IGF2BP1: variants seen among roughly 807,000 people sequenced by gnomAD.
IGF2BP1 encodes the protein insulin-like growth factor 2 mRNA-binding protein 1.
In IGF2BP1, 11 loss-of-function variants were observed where a neutral mutation model predicts 74.9. That is an observed-to-expected ratio of 0.15 (90% CI 0.09 to 0.24). IGF2BP1 has a LOEUF of 0.24. Ranked by LOEUF, IGF2BP1 falls within the 10% of genes least tolerant of loss-of-function variation. The pLI is 1.00. For synonymous variants in IGF2BP1, 287 were observed against 281.8 expected (o/e 1.02, Z -0.18); for missense variants, 440 against 757.4 (o/e 0.58, Z 4.92).
chr17:49,031,546 GGAGTGCAGTGGCAT>G (rs1367080042), intron 4 of IGF2BP1, among the ~76,000 whole-genome samples: 2 of 150,174 alleles, frequency 1.3e-5, no homozygotes, highest in African/African-American at 4.9e-5. Flanking sequence ...GCCCAGGTTC[GGAGTGCAGTGGCAT>G]GATCTGGGCT....
chr17:49,036,445 T>G (rs573808931), intron 5 of IGF2BP1: 1 of 151,178 alleles, frequency 6.6e-6, no homozygotes, highest in East Asian at 1.9e-4. Flanking sequence ...TGTGAAGCGT[T>G]CCATCAAAAA....
At position 49,045,873 on chromosome 17, in the gene IGF2BP1, T is replaced by C. The variant is rs1431340591; in HGVS notation, c.1396-17T>C. 2.5e-6 allele frequency: 4 copies of C among 1,611,898 alleles called. No homozygotes were observed. In the Admixed American group the frequency reaches 5.0e-5, roughly 20 times the overall value. ...AGATATATGAACCACTGATTAACAA[T>C]TACCTCCTCTTCTCAGGCTCAGGGA... is the stretch of plus-strand genomic sequence containing the variant. On this transcript the variant is annotated splice_polypyrimidine_tract_variant and intron_variant, in intron 12 of 14. Coordinates refer to ENST00000290341, the MANE Select transcript of IGF2BP1 (RefSeq NM_006546.4).
chr17:49,030,948 A>AG (rs1315362293), intron 4 of IGF2BP1, among the ~76,000 whole-genome samples: 3 of 152,190 alleles, frequency 2.0e-5, no homozygotes, highest in Non-Finnish European at 4.4e-5. Context: ...TAACTTTCTA[A>AG]GGGGAATTTA....
At chr17:49,031,784 TG>T in intron 4 of IGF2BP1, 125 bp from the exon 5 acceptor site, 1 of 825,544 alleles carries the variant, frequency 1.2e-6, no homozygotes, top group Non-Finnish European at 2.0e-6. Flanking sequence ...TTTGCAGTTG[TG>T]ATCTACCGTG....
At chr17:49,028,702 A>G (rs2041884800) in intron 4 of IGF2BP1, among the ~76,000 whole-genome samples, 1 of 152,202 alleles carries the variant, frequency 6.6e-6, no homozygotes, top group Non-Finnish European at 1.5e-5. Flanking sequence ...CAGTATGGGA[A>G]ATGTTTGACT....
intron 2 of IGF2BP1, among the ~76,000 whole-genome samples, chr17:49,006,444 T>G (rs761897810): frequency 3.9e-5 from 6 of 152,236 alleles, no homozygotes; most frequent in South Asian, 2.1e-4. Flanking sequence ...TCCGTAACTG[T>G]AAAGAAGTGG....
At chr17:49,015,447 ACTTCC>A (rs1391315445) in intron 2 of IGF2BP1, among the ~76,000 whole-genome samples, 2 of 151,986 alleles carry the variant, frequency 1.3e-5, no homozygotes, top group East Asian at 3.9e-4. Context: ...AGATTCCGAA[ACTTCC>A]CTTCCCACTG....
At position 49,054,198 on chromosome 17, in the gene IGF2BP1, G is replaced by A. The variant is rs1408309598; in HGVS notation, c.*4754G>A. 6.6e-6 allele frequency: 1 copy of A among 152,562 alleles called. No individual in the cohort carries two copies. The highest frequency in any genetic ancestry group is 2.4e-5 in the African/African-American group (1 of 41,478). 9.5% of individuals were successfully genotyped at this position (152,562 alleles called of 1,614,324 possible). A position where few individuals can be genotyped will look rare whatever the true frequency, so the allele number is the denominator to read the frequency against. On this transcript the variant is annotated 3_prime_UTR_variant, in exon 15 of 15. Coordinates refer to ENST00000290341, the MANE Select transcript of IGF2BP1 (RefSeq NM_006546.4). ...GCCCTGACCCTCGGTCCTGTGCACC[G>A]CTTTGGGGCACAGTCTGATGGCGCC...
chr17:49,023,498 C>T (rs1027863205), intron 2 of IGF2BP1, among the ~76,000 whole-genome samples: 1 of 152,194 alleles, frequency 6.6e-6, no homozygotes, highest in Admixed American at 6.5e-5. Flanking sequence ...AGTGAACTGG[C>T]TCAGGACAGC....
intron 4 of IGF2BP1, among the ~76,000 whole-genome samples, chr17:49,030,105 C>A (rs1406691887): frequency 6.7e-6 from 1 of 150,216 alleles, no homozygotes; most frequent in African/African-American, 2.5e-5. Context: ...TCTTTCTAGA[C>A]TTCTACAGCC....
In IGF2BP1 at chr17:49,055,940, C is replaced by T. The variant is rs577676719; in HGVS notation, c.*6496C>T. Among the ~76,000 whole-genome samples the T allele has an allele frequency of 1.2e-4, 18 of 151,626 alleles. No homozygotes were observed. The East Asian group carries it at 1.4e-3, about 11-fold the overall frequency. On this transcript the variant is annotated 3_prime_UTR_variant, in exon 15 of 15. Transcript: ENST00000290341. ...TGGAAATCTGCCAGCCATCACCACC[C>T]GATTTTGATTGTATCCTTCCTCCCA...
chr17:49,032,173 G>A (rs2041929866), intron 5 of IGF2BP1, among the ~76,000 whole-genome samples, 200 bp downstream of exon 5: 3 of 152,046 alleles, frequency 2.0e-5, no homozygotes, highest in Admixed American at 6.6e-5. Context: ...ATTGTTTCAG[G>A]GATCTCAAAG....
intron 4 of IGF2BP1, among the ~76,000 whole-genome samples, chr17:49,029,876 T>A (rs2041902283): frequency 6.6e-6 from 1 of 151,506 alleles, no homozygotes; most frequent in African/African-American, 2.4e-5. Flanking sequence ...TGGCACCACC[T>A]TCTGAAGTGA....
chr17:48,998,650 G>A (rs1186923355), intron 1 of IGF2BP1, among the ~76,000 whole-genome samples: 1 of 150,050 alleles, frequency 6.7e-6, no homozygotes, highest in African/African-American at 2.4e-5. Flanking sequence ...AACCAGCCCC[G>A]ACAGGTGACC....
In IGF2BP1 at chr17:49,052,214, T is replaced by C. The variant is rs1024557185; in HGVS notation, c.*2770T>C. The C allele has an allele frequency of 2.6e-5, 4 of 152,058 alleles. No individual in the cohort carries two copies. Among genetic ancestry groups the C allele is most frequent in the African/African-American group, 9.7e-5 (4 of 41,380 alleles). The allele number at this position is 152,058 out of a possible 1,614,324, so 9.4% of individuals were successfully genotyped here. Reference sequence around the variant, plus strand: ...CCACCTGTCCCAACCATAAAAAGGGTCTCCCAGCTTTCCATCTCTGGCTCT... The same window carrying C: ...CCACCTGTCCCAACCATAAAAAGGGCCTCCCAGCTTTCCATCTCTGGCTCT... On this transcript the variant is annotated 3_prime_UTR_variant, in exon 15 of 15. Transcript: ENST00000290341.
intron 2 of IGF2BP1, among the ~76,000 whole-genome samples, chr17:49,001,880 A>G (rs910868868): frequency 2.0e-5 from 3 of 152,124 alleles, no homozygotes; most frequent in Admixed American, 2.0e-4. Flanking sequence ...TGACTTGATT[A>G]CTTTGAGACA....
At chr17:49,019,824 A>T (rs1294419860) in intron 2 of IGF2BP1, among the ~76,000 whole-genome samples, 13 of 132,074 alleles carry the variant, frequency 9.8e-5, no homozygotes, top group African/African-American at 2.9e-4. Context: ...GCTCACTGCA[A>T]CCTCTGCTTC....
chr17:49,034,115 C>CT (rs762314265), intron 5 of IGF2BP1, among the ~76,000 whole-genome samples: 5,622 of 118,386 alleles, frequency 0.047, 258 homozygotes, highest in African/African-American at 0.08. Flanking sequence ...TGATTTGCCC[C>CT]TTTTTTTTTT....
chr17:49,038,538 A>G (rs2042013796), intron 6 of IGF2BP1, 89 bp downstream of exon 6: 1 of 1,270,560 alleles, frequency 7.9e-7, no homozygotes, highest in Non-Finnish European at 1.0e-6. Context: ...TGCTGGAGAC[A>G]TCAACATTTA....
Sources: allele counts gnomAD v4.1 joint callset (sites outside exome capture counted in the v4.1 genomes callset), GRCh38; gene constraint gnomAD v4.1.1; transcripts MANE v1.5; gene names NCBI Gene and HGNC (gene_info 2026-07-23, HGNC 2026-07-21).